The following CHD2 variants were observed in gnomAD, a reference collection of about 807,000 sequenced individuals.
CHD2 encodes ATP-dependent chromatin remodeler CHD2.
CHD2 carries 28 observed loss-of-function variants against 243.9 expected under a neutral mutation model. The observed-to-expected ratio is 0.11, with a 90% CI of 0.09 to 0.16. The LOEUF is 0.16. CHD2 is among the 10% of genes least tolerant of loss of function. The pLI, the probability that CHD2 is intolerant of heterozygous loss-of-function variation, is 1.00. For missense variants in CHD2, 1,386 were observed against 2,209.8 expected, an observed-to-expected ratio of 0.63 and a Z score of 7.47; for synonymous variants, 775 against 779.0, an observed-to-expected ratio of 0.99 and a Z score of 0.09.
chr15:93,017,486 G>A (rs1362166957), intron 37 of CHD2, among the ~76,000 whole-genome samples: 2 of 146,506 alleles, frequency 1.4e-5, no homozygotes, highest in East Asian at 2.0e-4. Flanking sequence ...CCACCATGCC[G>A]GGCTAATTTT....
chr15:92,906,261 C>T (rs904989301), intron 2 of CHD2, among the ~76,000 whole-genome samples: 2 of 152,076 alleles, frequency 1.3e-5, no homozygotes, highest in African/African-American at 2.4e-5. Flanking sequence ...CTTTCTCTCT[C>T]TCTCTCTGTA....
chr15:92,937,277 A>G (rs2053282159), intron 5 of CHD2, among the ~76,000 whole-genome samples: 1 of 151,866 alleles, frequency 6.6e-6, no homozygotes, highest in Non-Finnish European at 1.5e-5. Flanking sequence ...TAGTAAATGA[A>G]AAAAGTACAT....
chr15:92,904,875 A>G (rs2052590284), intron 2 of CHD2: 1 of 1,526,742 alleles, frequency 6.5e-7, no homozygotes, highest in Middle Eastern at 1.7e-4. Context: ...TTTAGTGAAA[A>G]CCTCTTGACG....
At chr15:92,924,645 A>G in intron 3 of CHD2, 93 bp downstream of exon 3, 2 of 1,090,040 alleles carry the variant, frequency 1.8e-6, no homozygotes, top group African/African-American at 1.5e-5. Context: ...GTATATCTTG[A>G]TGATGAAACC....
intron 7 of CHD2, among the ~76,000 whole-genome samples, chr15:92,940,970 AATATAAATATAAAT>A (rs1430388871): frequency 6.4e-5 from 2 of 31,420 alleles, no homozygotes; most frequent in African/African-American, 1.5e-4. Context: ...TATAAATATA[AATATAAATATAAAT>A]ATATATATAA....
chr15:92,945,902 A>G (rs769823031), intron 11 of CHD2, 37 bp downstream of exon 11: 1 of 1,522,328 alleles, frequency 6.6e-7, no homozygotes, highest in South Asian at 1.2e-5. Context: ...GTTCTTCAAC[A>G]TTTCAGAACA....
chr15:93,010,912 G>C (rs2054384882), intron 35 of CHD2, among the ~76,000 whole-genome samples: 1 of 152,160 alleles, frequency 6.6e-6, no homozygotes. Flanking sequence ...CAATCTCAGA[G>C]GACTGGTTTT....
chr15:92,991,571 G>C lies in CHD2; in HGVS notation c.3455+54G>C. On this transcript the variant is annotated intron_variant, in intron 27 of 38. Transcript: ENST00000394196. Reference sequence around the variant, plus strand: ...TCCTCTTTTTTGCTTTTATTATATAGTACGTTCTTTTTTGGTAAATTTTTC... The same window carrying C: ...TCCTCTTTTTTGCTTTTATTATATACTACGTTCTTTTTTGGTAAATTTTTC... 4 of 1,328,472 alleles carry C rather than the reference G, an allele frequency of 3.0e-6. No homozygotes were observed. The South Asian group carries it at 5.4e-5, about 18-fold the overall frequency. The allele number at this position is 1,328,472 out of a possible 1,614,324, so 82.3% of individuals were successfully genotyped here.
At chr15:92,923,191 TAGTG>T (rs2052992346) in intron 2 of CHD2, among the ~76,000 whole-genome samples, 1 of 152,246 alleles carries the variant, frequency 6.6e-6, no homozygotes, top group South Asian at 2.1e-4. Flanking sequence ...TTGCTCCTAT[TAGTG>T]AGAACCACGA....
intron 26 of CHD2, among the ~76,000 whole-genome samples, chr15:92,991,126 C>T (rs896932924): frequency 1.3e-5 from 2 of 151,896 alleles, no homozygotes; most frequent in East Asian, 1.9e-4. Flanking sequence ...ACAATAGAGT[C>T]GTGATGATTG....
chr15:92,900,808 C>CAT lies in CHD2; in HGVS notation c.-86_-85dup, dbSNP rs1465979695. On this transcript the variant is annotated 5_prime_UTR_variant, in exon 1 of 39. Coordinates refer to ENST00000394196, the MANE Select transcript of CHD2 (RefSeq NM_001271.4). Reference sequence around the variant, plus strand: ...TAGTAGATAGGACTCTTGGTTTGGACATACTACATGGATCAGGTAAGTTCA... The same window carrying CAT: ...TAGTAGATAGGACTCTTGGTTTGGACATATACTACATGGATCAGGTAAGTTCA... The CAT allele has an allele frequency of 2.5e-6, 1 of 395,750 alleles. No homozygotes were observed. The highest frequency in any genetic ancestry group is 4.4e-6 in the Non-Finnish European group (1 of 225,044). 24.5% of individuals were successfully genotyped at this position (395,750 alleles called of 1,614,324 possible).
intron 20 of CHD2, among the ~76,000 whole-genome samples, chr15:92,976,537 G>A (rs565459530): frequency 9.9e-5 from 15 of 151,552 alleles, no homozygotes; most frequent in African/African-American, 3.4e-4. Context: ...GAGGCTAGGC[G>A]CGCATAGTGG....
At chr15:92,970,774 A>T (rs1342608243) in intron 17 of CHD2, among the ~76,000 whole-genome samples, 1 of 152,164 alleles carries the variant, frequency 6.6e-6, no homozygotes, top group African/African-American at 2.4e-5. Flanking sequence ...TCCTTGTGGT[A>T]GGCACTTAGA....
chr15:92,904,480 C>G, intron 2 of CHD2: 12 of 989,768 alleles, frequency 1.2e-5, no homozygotes, highest in Non-Finnish European at 1.4e-5. Flanking sequence ...CCCAGGGAGC[C>G]GCACGCCGAG....
intron 38 of CHD2, 68 bp from the exon 39 acceptor site, chr15:93,024,304 G>A: frequency 2.9e-6 from 4 of 1,389,944 alleles, no homozygotes; most frequent in Non-Finnish European, 4.0e-6. Context: ...GAGCCAAGTG[G>A]GTAGTGAAGA....
intron 2 of CHD2, chr15:92,904,279 C>G (rs1055112334): frequency 2.4e-5 from 4 of 169,470 alleles, no homozygotes; most frequent in South Asian, 1.9e-4. Context: ...GTTGCCGTGC[C>G]GAGTTCAAAG....
At chr15:92,991,681 G>A (rs1291076040) in intron 27 of CHD2, 164 bp downstream of exon 27, 2 of 503,306 alleles carry the variant, frequency 4.0e-6, no homozygotes, top group Admixed American at 4.1e-5. Context: ...GTTCATTCAT[G>A]TCTCTCTGCA....
chr15:92,963,522 TAGAAAAGAGAAAAAAAATATATAC>T (rs1336411009), intron 16 of CHD2, among the ~76,000 whole-genome samples: 2 of 152,206 alleles, frequency 1.3e-5, no homozygotes, highest in South Asian at 2.1e-4. Context: ...TAAGGACATA[TAGAAAAGAGAAAAAAAATATATAC>T]TATCTTTCAT....
At position 92,955,427 on chromosome 15, in the gene CHD2, G is replaced by A. The variant is rs2141814810; in HGVS notation, c.1724G>A (p.Arg575Gln). The A allele has an allele frequency of 1.9e-6, 3 of 1,564,158 alleles. No individual in the cohort carries two copies. The highest frequency in any genetic ancestry group is 1.2e-5 in the South Asian group (1 of 83,034). ...IGDLMSRNTI[R>Q]EYEWIHSQTK... ...AATTATGTTTTTTTCTTATAGATAC[G>A]GGAATATGAATGGATTCATTCCCAA... The change falls in exon 15 of 39, where the codon CGG becomes CAG. Residue 575 changes from arginine (R) to glutamine (Q), a missense_variant. Arg to Gln is a conservative substitution (Grantham distance 43). Coordinates refer to ENST00000394196, the MANE Select transcript of CHD2 (RefSeq NM_001271.4).
Sources: allele counts gnomAD v4.1 joint callset (sites outside exome capture counted in the v4.1 genomes callset), GRCh38; gene constraint gnomAD v4.1.1; transcripts MANE v1.5; gene names NCBI Gene and HGNC (gene_info 2026-07-23, HGNC 2026-07-21).